The following RBFOX3 variants were observed in gnomAD, a reference collection of about 807,000 sequenced individuals.
The protein encoded by RBFOX3 is RNA binding fox-1 homolog 3.
A neutral mutation model predicts 48.7 loss-of-function variants in RBFOX3; 17 were observed. That is an observed-to-expected ratio of 0.35 (90% CI 0.24 to 0.52). RBFOX3 has a LOEUF of 0.52. Among genes scored for constraint, RBFOX3 ranks in the 20% least tolerant of loss-of-function variants. The probability of loss-of-function intolerance (pLI) is 0.94; values close to 1 mark genes in which losing one functional copy is unlikely to be tolerated. For missense variants in RBFOX3, 382 were observed against 497.5 expected, an observed-to-expected ratio of 0.77 and a Z score of 2.21; for synonymous variants, 212 against 209.5, an observed-to-expected ratio of 1.01 and a Z score of -0.10.
At chr17:79,499,539 G>A (rs923480994) in intron 1 of RBFOX3, among the ~76,000 whole-genome samples, 3 of 152,212 alleles carry the variant, frequency 2.0e-5, no homozygotes, top group African/African-American at 7.2e-5. Flanking sequence ...ACAGGGGCAG[G>A]GTTTGGAGGT....
intron 2 of RBFOX3, among the ~76,000 whole-genome samples, chr17:79,401,959 C>T (rs562923175): frequency 4.9e-4 from 75 of 152,326 alleles, no homozygotes; most frequent in African/African-American, 1.7e-3. Context: ...CCACAGGAAC[C>T]GCATACGGCT....
At chr17:79,206,181 T>A (rs1048236419) in intron 4 of RBFOX3, among the ~76,000 whole-genome samples, 2 of 152,000 alleles carry the variant, frequency 1.3e-5, no homozygotes, top group Non-Finnish European at 2.9e-5. Context: ...CCCTTGAAGA[T>A]CATGTAAAAG....
At chr17:79,398,224 G>A (rs995098084) in intron 2 of RBFOX3, among the ~76,000 whole-genome samples, 4 of 152,252 alleles carry the variant, frequency 2.6e-5, no homozygotes, top group Non-Finnish European at 4.4e-5. Context: ...GCACCAGAAA[G>A]GAGGCCTGCA....
chr17:79,503,923 T>TA (rs2082710623), intron 1 of RBFOX3, among the ~76,000 whole-genome samples: 1 of 152,144 alleles, frequency 6.6e-6, no homozygotes, highest in Non-Finnish European at 1.5e-5. Flanking sequence ...CCTCCCGACT[T>TA]AGACTCCAGC....
At chr17:79,380,479 C>A (rs1163775255) in intron 2 of RBFOX3, among the ~76,000 whole-genome samples, 2 of 152,196 alleles carry the variant, frequency 1.3e-5, no homozygotes, top group Non-Finnish European at 2.9e-5. Flanking sequence ...GCGCCCCTGG[C>A]CTGGGAGAGG....
At chr17:79,599,694 G>T (rs2093658384) in intron 1 of RBFOX3, 1 of 152,242 alleles carries the variant, frequency 6.6e-6, no homozygotes, top group Non-Finnish European at 1.5e-5. Context: ...TGGGGAAAAA[G>T]GAATATTTTC....
chr17:79,115,756 AG>A lies in RBFOX3; in HGVS notation c.-33-9del. On this transcript the variant is annotated splice_polypyrimidine_tract_variant and intron_variant, in intron 4 of 14. Coordinates refer to ENST00000693108, the MANE Select transcript of RBFOX3 (RefSeq NM_001350451.2). ...CGTGGCGTCCTGATCGCTCTGTGGAAGGAGAGAGAGCAAGGCCTGGTTAGAA... is the reference window on the plus strand; with the variant it reads ...CGTGGCGTCCTGATCGCTCTGTGGAAGAGAGAGAGCAAGGCCTGGTTAGAA... The A allele has an allele frequency of 1.5e-6, 1 of 684,156 alleles. No homozygotes were observed. Among genetic ancestry groups the A allele is most frequent in the South Asian group, 1.6e-5 (1 of 62,482 alleles). 42.4% of individuals were successfully genotyped at this position (684,156 alleles called of 1,614,324 possible). A position where few individuals can be genotyped will look rare whatever the true frequency, so the allele number is the denominator to read the frequency against.
At chr17:79,353,588 G>A (rs934993525) in intron 2 of RBFOX3, among the ~76,000 whole-genome samples, 3 of 152,236 alleles carry the variant, frequency 2.0e-5, no homozygotes, top group East Asian at 1.9e-4. Flanking sequence ...ATGCTGCAGT[G>A]AAGCTGCAGA....
At chr17:79,126,729 C>A (rs187029175) in intron 4 of RBFOX3, among the ~76,000 whole-genome samples, 1 of 152,192 alleles carries the variant, frequency 6.6e-6, no homozygotes, top group Non-Finnish European at 1.5e-5. Flanking sequence ...GCAGGAGACA[C>A]CCAGCCCAGC....
At chr17:79,126,784 G>A (rs764652884) in intron 4 of RBFOX3, among the ~76,000 whole-genome samples, 3 of 152,080 alleles carry the variant, frequency 2.0e-5, no homozygotes, top group Non-Finnish European at 4.4e-5. Context: ...CCGGCACCCC[G>A]GACCTCTGCT....
At chr17:79,504,982 G>T (rs1475100336) in intron 1 of RBFOX3, among the ~76,000 whole-genome samples, 2 of 152,188 alleles carry the variant, frequency 1.3e-5, no homozygotes, top group Non-Finnish European at 2.9e-5. Flanking sequence ...GGTTCTTGGG[G>T]AGATTCTAGC....
intron 2 of RBFOX3, among the ~76,000 whole-genome samples, chr17:79,403,614 G>A (rs1041357641): frequency 6.6e-5 from 10 of 152,126 alleles, no homozygotes; most frequent in African/African-American, 2.4e-4. Flanking sequence ...GGACAGCTTC[G>A]GTGGGAAAGT....
chr17:79,581,819 C>G (rs1231834761), intron 1 of RBFOX3, among the ~76,000 whole-genome samples: 1 of 152,246 alleles, frequency 6.6e-6, no homozygotes, highest in Non-Finnish European at 1.5e-5. Flanking sequence ...TTCATAGACA[C>G]TGCCATGGAG....
intron 2 of RBFOX3, among the ~76,000 whole-genome samples, chr17:79,417,781 G>A (rs2065630390): frequency 6.6e-6 from 1 of 152,234 alleles, no homozygotes; most frequent in Non-Finnish European, 1.5e-5. Context: ...TCGTGTTCAC[G>A]GCAGCATCAC....
chr17:79,448,948 G>C (rs1376881949), intron 2 of RBFOX3, among the ~76,000 whole-genome samples: 2 of 152,088 alleles, frequency 1.3e-5, no homozygotes, highest in East Asian at 3.9e-4. Context: ...GCTCAGAGTT[G>C]ACGTCCTGGG....
the RBFOX3 span, among the ~76,000 whole-genome samples, chr17:79,630,422 G>A: frequency 1.3e-5 from 2 of 152,164 alleles, no homozygotes; most frequent in South Asian, 2.1e-4. Flanking sequence ...TGTTGCATAA[G>A]AGCCACCCAG....
Position 79,299,872 on chromosome 17 carries a change from C to G in RBFOX3, c.-74+7852G>C, listed in dbSNP as rs1600499530. Among the ~76,000 whole-genome samples the G allele has an allele frequency of 6.6e-6, 1 of 152,094 alleles. No individual in the cohort carries two copies. Among genetic ancestry groups the G allele is most frequent in the African/African-American group, 2.4e-5 (1 of 41,414 alleles). ...TCTCTGTTTAGCCAGCTTCTCAGTA[C>G]CCCACACAGGCCTCCAAAGGAATCT... On this transcript the variant is annotated intron_variant, in intron 3 of 14. Coordinates refer to ENST00000693108, the MANE Select transcript of RBFOX3 (RefSeq NM_001350451.2). The surrounding 1 kb of genome is among the most constrained non-coding windows in gnomAD (Gnocchi z 4.5).
At chr17:79,441,647 C>G (rs1393314255) in intron 2 of RBFOX3, among the ~76,000 whole-genome samples, 2 of 152,070 alleles carry the variant, frequency 1.3e-5, no homozygotes, top group African/African-American at 4.8e-5. Context: ...TCCAGAATGG[C>G]AGAGAGTCCA....
At chr17:79,170,585 T>C (rs141884708) in intron 4 of RBFOX3, among the ~76,000 whole-genome samples, 3 of 152,210 alleles carry the variant, frequency 2.0e-5, no homozygotes, top group Non-Finnish European at 4.4e-5. Context: ...CCCTCCGTGG[T>C]GTGTCCGTTA....
Sources: allele counts gnomAD v4.1 joint callset (sites outside exome capture counted in the v4.1 genomes callset), GRCh38; gene constraint gnomAD v4.1.1; non-coding constraint Gnocchi (gnomAD v3.1); transcripts MANE v1.5; gene names NCBI Gene and HGNC (gene_info 2026-07-23, HGNC 2026-07-21).